AMMECR1: variants seen among roughly 807,000 people sequenced by gnomAD.
AMMECR1 encodes AMMECR nuclear protein 1, also known as nuclear protein AMMECR1.
In AMMECR1, 3 loss-of-function variants were observed where a neutral mutation model predicts 22.5. The observed-to-expected ratio is 0.13, with a 90% CI of 0.06 to 0.35. The LOEUF (loss-of-function observed/expected upper bound fraction) is 0.35, where lower values mean the gene tolerates loss of function less well. Ranked by LOEUF, AMMECR1 falls within the 10% of genes least tolerant of loss-of-function variation. AMMECR1 has a pLI of 1.00. For synonymous variants in AMMECR1, 130 were observed against 116.7 expected (o/e 1.11, Z -0.74); for missense variants, 235 against 278.7 (o/e 0.84, Z 1.12).
At chrX:110,438,627 A>G (rs2068856608) in intron 1 of AMMECR1, among the ~76,000 whole-genome samples, 2 of 111,791 alleles carry the variant, frequency 1.8e-5, no homozygotes, top group Non-Finnish European at 1.9e-5. Context: ...GTTTTGTCCT[A>G]TAGCCTGAAA....
intron 2 of AMMECR1, among the ~76,000 whole-genome samples, chrX:110,350,814 TA>T (rs778440498): frequency 2.8e-5 from 3 of 107,888 alleles, no homozygotes; most frequent in Admixed American, 1.0e-4. Context: ...CAAATAATAA[TA>T]AAAAAAATTA....
intron 2 of AMMECR1, among the ~76,000 whole-genome samples, chrX:110,221,061 C>A (rs2067497506): frequency 8.9e-6 from 1 of 112,386 alleles, no homozygotes. Context: ...CGGTTAACTG[C>A]TGGAAAGTTA....
chrX:110,208,684 A>C (rs923054040), intron 3 of AMMECR1, among the ~76,000 whole-genome samples: 2 of 112,197 alleles, frequency 1.8e-5, no homozygotes, highest in African/African-American at 6.5e-5. Context: ...AATTTTAGTA[A>C]AATTTTAAAT....
chrX:110,240,886 A>T, intron 2 of AMMECR1, among the ~76,000 whole-genome samples: 1 of 112,361 alleles, frequency 8.9e-6, no homozygotes, highest in Non-Finnish European at 1.9e-5. Flanking sequence ...CTCTCCAACC[A>T]CACTGCAGTC....
chrX:110,328,413 C>T (rs1359102523), intron 2 of AMMECR1, among the ~76,000 whole-genome samples: 7 of 104,782 alleles, frequency 6.7e-5, no homozygotes, highest in Admixed American at 6.2e-4. Context: ...GTAAAACAAA[C>T]GTCTATTTCC....
chrX:110,330,846 T>C (rs1318556026), intron 2 of AMMECR1, among the ~76,000 whole-genome samples: 1 of 111,760 alleles, frequency 8.9e-6, no homozygotes, highest in Non-Finnish European at 1.9e-5. Context: ...TATTTCTCAC[T>C]TTATGTTTAC....
chrX:110,199,956 A>G (rs1240921957), intron 5 of AMMECR1, among the ~76,000 whole-genome samples: 2 of 111,406 alleles, frequency 1.8e-5, no homozygotes, highest in Admixed American at 9.6e-5. Flanking sequence ...CTTCTGGGCC[A>G]TATTTTCCTC....
intron 2 of AMMECR1, among the ~76,000 whole-genome samples, chrX:110,222,038 C>T (rs1295784604): frequency 3.6e-5 from 4 of 110,455 alleles, no homozygotes; most frequent in Non-Finnish European, 5.7e-5. Context: ...GTCGGTGTGG[C>T]GATTCCTCGG....
At chrX:110,422,534 A>T (rs1484476243) in intron 2 of AMMECR1, among the ~76,000 whole-genome samples, 1 of 112,968 alleles carries the variant, frequency 8.9e-6, no homozygotes, top group East Asian at 2.8e-4. Flanking sequence ...CACACCCATG[A>T]CTGCAATGCC....
chrX:110,271,933 A>C (rs1368085145), intron 1 of AMMECR1, among the ~76,000 whole-genome samples: 1 of 111,852 alleles, frequency 8.9e-6, no homozygotes. Context: ...AAAAAAAATT[A>C]GTTATTTTAG....
chrX:110,332,466 A>G (rs1181490296), intron 2 of AMMECR1, among the ~76,000 whole-genome samples: 1 of 112,330 alleles, frequency 8.9e-6, no homozygotes, highest in East Asian at 2.8e-4. Flanking sequence ...ATGTAGATCC[A>G]TGATTACTGC....
intron 1 of AMMECR1, among the ~76,000 whole-genome samples, chrX:110,267,053 G>A (rs1364697136): frequency 8.9e-6 from 1 of 111,771 alleles, no homozygotes; most frequent in Non-Finnish European, 1.9e-5. Context: ...ATTCCATGGT[G>A]TATATGTGCC....
chrX:110,277,226 T>C (rs182615103), intron 1 of AMMECR1, among the ~76,000 whole-genome samples: 5 of 111,426 alleles, frequency 4.5e-5, no homozygotes, highest in Admixed American at 1.9e-4. Context: ...AGGTTTTACA[T>C]ATTAAATGTG....
chrX:110,247,353 T>C (rs1015656087), intron 2 of AMMECR1, among the ~76,000 whole-genome samples: 9 of 111,802 alleles, frequency 8.0e-5, no homozygotes, highest in African/African-American at 2.9e-4. Flanking sequence ...CCTAGGTGAT[T>C]GAGACCACCT....
intron 1 of AMMECR1, among the ~76,000 whole-genome samples, chrX:110,294,637 G>A (rs905531637): frequency 8.9e-6 from 1 of 111,736 alleles, no homozygotes; most frequent in South Asian, 3.7e-4. Flanking sequence ...CAAATAAACA[G>A]AACTCAAACC....
chrX:110,404,735 A>G (rs2068586746), intron 2 of AMMECR1, among the ~76,000 whole-genome samples: 1 of 111,549 alleles, frequency 9.0e-6, no homozygotes, highest in South Asian at 3.8e-4. Flanking sequence ...CATTAAATTC[A>G]GGGAGTGAAC....
At chrX:110,279,618 C>T (rs2067842670) in intron 1 of AMMECR1, among the ~76,000 whole-genome samples, 1 of 111,757 alleles carries the variant, frequency 8.9e-6, no homozygotes, top group Non-Finnish European at 1.9e-5. Flanking sequence ...AGTATACTGA[C>T]ACCTACCCAT....
chrX:110,314,034 C>G (rs1414608196), intron 1 of AMMECR1, among the ~76,000 whole-genome samples: 2 of 111,764 alleles, frequency 1.8e-5, no homozygotes, highest in Non-Finnish European at 3.8e-5. Flanking sequence ...CCCACACCAA[C>G]TGAATCAGAA....
chrX:110,270,751 C>T (rs959271486), intron 1 of AMMECR1, among the ~76,000 whole-genome samples: 2 of 112,068 alleles, frequency 1.8e-5, no homozygotes, highest in African/African-American at 6.5e-5. Context: ...GCAAGGCCTA[C>T]CATTTTATGC....
Sources: gnomAD v4.1 joint callset for allele counts (sites outside exome capture counted in the v4.1 genomes callset) on GRCh38, gnomAD v4.1.1 for gene constraint, MANE v1.5 for transcripts, NCBI Gene and HGNC (gene_info 2026-07-23, HGNC 2026-07-21) for gene names.